Variants in AEBP2 observed in about 807,000 individuals in gnomAD.
AEBP2 encodes AE binding protein 2, also known as zinc finger protein AEBP2.
In AEBP2, 10 loss-of-function variants were observed where a neutral mutation model predicts 50.8. The observed-to-expected ratio is 0.20, with a 90% confidence interval of 0.12 to 0.33. The LOEUF is 0.33. AEBP2 is among the 10% of genes least tolerant of loss of function. AEBP2 has a pLI of 1.00. For synonymous variants in AEBP2, 296 were observed against 261.3 expected (o/e 1.13, Z -1.28); for missense variants, 570 against 688.0 (o/e 0.83, Z 1.92).
chr12:19,432,017 C>G (rs1259469744), intron 1 of AEBP2, among the ~76,000 whole-genome samples: 1 of 152,148 alleles, frequency 6.6e-6, no homozygotes, highest in Non-Finnish European at 1.5e-5. Context: ...TGTTGCTGGG[C>G]TCAAGCATGT....
At chr12:19,475,397 A>G (rs1948632535) in intron 3 of AEBP2, among the ~76,000 whole-genome samples, 1 of 152,034 alleles carries the variant, frequency 6.6e-6, no homozygotes, top group African/African-American at 2.4e-5. Context: ...TGAAAGCCAT[A>G]TTTTGTTCCT....
At chr12:19,417,500 G>A (rs1024255925) in intron 1 of AEBP2, among the ~76,000 whole-genome samples, 3 of 151,610 alleles carry the variant, frequency 2.0e-5, no homozygotes, top group African/African-American at 4.8e-5. Flanking sequence ...TCCGCCTCCC[G>A]GGCTCAACCG....
intron 1 of AEBP2, among the ~76,000 whole-genome samples, chr12:19,418,494 A>G (rs773970109): frequency 1.1e-4 from 16 of 147,710 alleles, no homozygotes; most frequent in Admixed American, 2.1e-4. Flanking sequence ...GCCAGCTAAT[A>G]TGCTGAGATT....
At chr12:19,463,647 A>G (rs1191043149) in intron 2 of AEBP2, among the ~76,000 whole-genome samples, 1 of 149,536 alleles carries the variant, frequency 6.7e-6, no homozygotes, top group Non-Finnish European at 1.5e-5. Flanking sequence ...TAACATTTTA[A>G]GCAGTGATGT....
intron 3 of AEBP2, among the ~76,000 whole-genome samples, chr12:19,477,082 A>G (rs1431817641): frequency 2.6e-5 from 4 of 152,072 alleles, no homozygotes. Context: ...CTTTTGTAAT[A>G]GGGGTTAAGT....
At chr12:19,480,409 A>T (rs1948709224) in intron 3 of AEBP2, among the ~76,000 whole-genome samples, 1 of 152,096 alleles carries the variant, frequency 6.6e-6, no homozygotes, top group African/African-American at 2.4e-5. Flanking sequence ...CCTGCCAAGG[A>T]GGTTCTATTT....
intron 1 of AEBP2, among the ~76,000 whole-genome samples, chr12:19,452,840 A>G (rs1948187287): frequency 6.6e-6 from 1 of 151,884 alleles, no homozygotes; most frequent in African/African-American, 2.4e-5. Flanking sequence ...AAGGAATATC[A>G]CCTGTTAGCT....
At chr12:19,460,937 C>A (rs7958449) in intron 1 of AEBP2, among the ~76,000 whole-genome samples, 2 of 151,628 alleles carry the variant, frequency 1.3e-5, no homozygotes, top group Non-Finnish European at 2.9e-5. Flanking sequence ...TACAGGCATG[C>A]GCCACTGTGC....
At chr12:19,489,415 C>G (rs1236002078) in intron 3 of AEBP2, among the ~76,000 whole-genome samples, 1 of 152,140 alleles carries the variant, frequency 6.6e-6, no homozygotes, top group Non-Finnish European at 1.5e-5. Flanking sequence ...GGAAACCGCC[C>G]CCGCCATGAT....
chr12:19,500,486 A>G (rs771079571), intron 5 of AEBP2, among the ~76,000 whole-genome samples: 3 of 152,172 alleles, frequency 2.0e-5, no homozygotes, highest in Non-Finnish European at 4.4e-5. Context: ...ATACAGTGTT[A>G]CTAGGCATTA....
intron 2 of AEBP2, among the ~76,000 whole-genome samples, chr12:19,471,965 G>A (rs937116510): frequency 9.2e-5 from 14 of 152,142 alleles, no homozygotes; most frequent in African/African-American, 3.1e-4. Flanking sequence ...AGGAGGAAAC[G>A]TTATGACTTC....
intron 1 of AEBP2, among the ~76,000 whole-genome samples, chr12:19,430,462 C>A (rs1206576107): frequency 6.6e-6 from 1 of 152,082 alleles, no homozygotes; most frequent in African/African-American, 2.4e-5. Flanking sequence ...AATGCAGGCT[C>A]TTTTTTGGTT....
chr12:19,440,226 G>C lies in AEBP2; in HGVS notation c.527G>C (p.Ser176Thr), dbSNP rs753457683. 17 of 1,472,760 alleles carry C rather than the reference G, an allele frequency of 1.2e-5. No individual in the cohort carries two copies. The highest frequency in any genetic ancestry group is 1.4e-5 in the Non-Finnish European group (16 of 1,125,462). 91.2% of individuals were successfully genotyped at this position (1,472,760 alleles called of 1,614,324 possible). The part of the protein sequence containing the change: ...GSQGGGGGGS[S>T]SSSVVSSGGD... ...CAGGGCGGCGGCGGGGGCGGCAGCA[G>C]TAGCAGCAGCGTAGTCTCCAGCGGC... The change falls in exon 1 of 8, where the codon AGT becomes ACT. Residue 176 changes from serine to threonine, a missense_variant. By Grantham distance (58) the Ser-to-Thr change is moderately conservative. Coordinates refer to ENST00000266508, the MANE Select transcript of AEBP2 (RefSeq NM_153207.5).
chr12:19,439,978 C>CGGGGAGGACGAAGACGAG lies in AEBP2; in HGVS notation c.281_298dup (p.Gly94_Glu99dup). The stretch of plus-strand genomic sequence containing the variant: ...CGAGCCCCGAGAGCGCCAGCCAGGC[C>CGGGGAGGACGAAGACGAG]GGGGAGGACGAAGACGAGGAGGAGG... On this transcript the variant is annotated inframe_insertion, in exon 1 of 8. Coordinates refer to ENST00000266508, the MANE Select transcript of AEBP2 (RefSeq NM_153207.5). 6.6e-7 allele frequency: 1 copy of CGGGGAGGACGAAGACGAG among 1,521,026 alleles called. No individual in the cohort carries two copies. Among genetic ancestry groups the CGGGGAGGACGAAGACGAG allele is most frequent in the South Asian group, 1.2e-5 (1 of 83,348 alleles). 94.2% of individuals were successfully genotyped at this position (1,521,026 alleles called of 1,614,324 possible). A position where few individuals can be genotyped will look rare whatever the true frequency, so the allele number is the denominator to read the frequency against.
At chr12:19,445,370 C>CTTTTTTTTTT (rs55898072) in intron 1 of AEBP2, among the ~76,000 whole-genome samples, 5 of 135,602 alleles carry the variant, frequency 3.7e-5, no homozygotes, top group African/African-American at 1.3e-4. Flanking sequence ...TGCTCGTTTT[C>CTTTTTTTTTT]TTTTTTTTTT....
intron 1 of AEBP2, among the ~76,000 whole-genome samples, chr12:19,415,783 C>T (rs2095742267): frequency 6.6e-6 from 1 of 152,108 alleles, no homozygotes; most frequent in African/African-American, 2.4e-5. Flanking sequence ...GTAACCCACA[C>T]CCATGGCAAT....
At chr12:19,436,413 T>C (rs1375522831), upstream of AEBP2, among the ~76,000 whole-genome samples, 2 of 152,174 alleles carry the variant, frequency 1.3e-5, no homozygotes, top group Non-Finnish European at 2.9e-5. Context: ...GCTCTGTCTA[T>C]GGAGTAGCCA....
At chr12:19,454,957 C>G (rs903918067) in intron 1 of AEBP2, among the ~76,000 whole-genome samples, 2 of 151,798 alleles carry the variant, frequency 1.3e-5, no homozygotes, top group African/African-American at 4.8e-5. Context: ...GAAACATATT[C>G]TTTTGATCTG....
chr12:19,424,406 T>C (rs1440877262), intron 1 of AEBP2, among the ~76,000 whole-genome samples: 3 of 151,060 alleles, frequency 2.0e-5, no homozygotes, highest in Non-Finnish European at 4.4e-5. Flanking sequence ...CTTTTTTTCT[T>C]TTTTTTTTGA....
Sources: gnomAD v4.1 joint callset for allele counts (sites outside exome capture counted in the v4.1 genomes callset) on GRCh38, gnomAD v4.1.1 for gene constraint, MANE v1.5 for transcripts, NCBI Gene and HGNC (gene_info 2026-07-23, HGNC 2026-07-21) for gene names.